CELSR1: variants seen among roughly 807,000 people sequenced by gnomAD.
The protein encoded by CELSR1 is cadherin EGF LAG seven-pass G-type receptor 1, also known as adhesion G protein-coupled receptor C1.
A neutral mutation model predicts 249.1 loss-of-function variants in CELSR1; 110 were observed. The observed-to-expected ratio is 0.44, with a 90% confidence interval of 0.38 to 0.52. The LOEUF (loss-of-function observed/expected upper bound fraction) is 0.52. Ranked by LOEUF, CELSR1 falls within the 20% of genes least tolerant of loss-of-function variation. CELSR1 has a pLI of 0.00. For missense variants in CELSR1, 4,109 were observed against 4,296.4 expected (o/e 0.96, Z 1.22); for synonymous variants, 2,113 against 1,900.0 (o/e 1.11, Z -2.92).
Position 46,410,083 on chromosome 22 carries a change from C to T in CELSR1, c.4934-203G>A, listed in dbSNP as rs555020570. Among the ~76,000 whole-genome samples the T allele has an allele frequency of 1.3e-4, 20 of 152,232 alleles. No homozygotes were observed. The highest frequency in any genetic ancestry group is 7.2e-5 in the African/African-American group (3 of 41,464). On this transcript the variant is annotated intron_variant, in intron 7 of 34. Coordinates refer to ENST00000674500, the MANE Select transcript of CELSR1 (RefSeq NM_001378328.1). This position sits in a 1 kb window ranked among gnomAD's most constrained non-coding sequence, Gnocchi z 6.8. ...CTGACCACATTTGGAGACGCTGGGA[C>T]GCCAGGCCATCACGGCAGCCGGCCC...
At chr22:46,435,047 G>C (rs1020578684) in intron 4 of CELSR1, among the ~76,000 whole-genome samples, 4 of 151,954 alleles carry the variant, frequency 2.6e-5, no homozygotes, top group Admixed American at 2.6e-4. Flanking sequence ...GAAAAACACA[G>C]ATATACCTGT....
Position 46,402,048 on chromosome 22 carries a change from A to G in CELSR1, c.5227-2146T>C, listed in dbSNP as rs1442859048. Among the ~76,000 whole-genome samples the G allele has an allele frequency of 6.6e-6, 1 of 152,044 alleles. No individual in the cohort carries two copies. On this transcript the variant is annotated intron_variant, in intron 9 of 34. Transcript: ENST00000674500. This position sits in a 1 kb window ranked among gnomAD's most constrained non-coding sequence, Gnocchi z 5.0. Reference sequence around the variant, plus strand: ...GGTAGCAGTGAACCGAGATCACGCCACCGCACTCCAGCCTGGGCGATGGAG... The same window carrying G: ...GGTAGCAGTGAACCGAGATCACGCCGCCGCACTCCAGCCTGGGCGATGGAG...
At chr22:46,435,390 T>A (rs145334040) in intron 4 of CELSR1, among the ~76,000 whole-genome samples, 11,659 of 149,646 alleles carry the variant, frequency 0.078, 674 homozygotes, top group African/African-American at 0.17. Context: ...CAAGCAATTC[T>A]CCTGCCTCAG....
intron 23 of CELSR1, 84 bp from the exon 24 acceptor site, chr22:46,377,345 C>T (rs577699916): frequency 3.1e-5 from 44 of 1,405,316 alleles, no homozygotes; most frequent in Non-Finnish European, 3.9e-5. Flanking sequence ...ATAAATTACA[C>T]ACTTGCTTAT....
chr22:46,392,876 A>T (rs1408491972), intron 14 of CELSR1, among the ~76,000 whole-genome samples: 1 of 152,096 alleles, frequency 6.6e-6, no homozygotes, highest in Non-Finnish European at 1.5e-5. Flanking sequence ...TTGGATGAGA[A>T]AAAAATCGTA....
chr22:46,408,943 C>A lies in CELSR1; in HGVS notation c.5226+53G>T. On this transcript the variant is annotated intron_variant, in intron 9 of 34. Transcript: ENST00000674500. The surrounding 1 kb of genome is among the most constrained non-coding windows in gnomAD (Gnocchi z 4.6). ...ACCAGGAAGCCCAGCGCCTGGGTCC[C>A]TCCCTCGGGCACCCACCTAGCAGGT... 1 of 1,478,450 alleles carries A rather than the reference C, an allele frequency of 6.8e-7. No homozygotes were observed. The highest frequency in any genetic ancestry group is 9.0e-7 in the Non-Finnish European group (1 of 1,105,908). The allele number at this position is 1,478,450 out of a possible 1,614,324, so 91.6% of individuals were successfully genotyped here. A position where few individuals can be genotyped will look rare whatever the true frequency, so the allele number is the denominator to read the frequency against.
At chr22:46,485,766 C>T (rs1416926899) in intron 1 of CELSR1, among the ~76,000 whole-genome samples, 3 of 152,108 alleles carry the variant, frequency 2.0e-5, no homozygotes, top group African/African-American at 4.8e-5. Context: ...GGGAAATGGG[C>T]GCACTGGAGC....
intron 9 of CELSR1, among the ~76,000 whole-genome samples, chr22:46,400,995 G>A (rs767460710): frequency 4.6e-5 from 7 of 151,788 alleles, no homozygotes; most frequent in Non-Finnish European, 8.8e-5. Context: ...TGTTGCTGTT[G>A]CCTTTAACAC....
chr22:46,511,889 G>A lies in CELSR1; in HGVS notation c.3544+21738C>T, dbSNP rs560318841. ...CCTCGGTCATTAGACACAATGACCCGCCTCTCTGCTCACTGCTCATCCCAG... is the reference window on the plus strand; with the variant it reads ...CCTCGGTCATTAGACACAATGACCCACCTCTCTGCTCACTGCTCATCCCAG... On this transcript the variant is annotated intron_variant, in intron 1 of 34. Transcript: ENST00000674500. 3.9e-5 allele frequency among the ~76,000 whole-genome samples: 6 copies of A among 152,278 alleles called. No homozygotes were observed. The South Asian group carries it at 8.3e-4, about 21-fold the overall frequency.
At chr22:46,530,971 C>T (rs193200409) in intron 1 of CELSR1, among the ~76,000 whole-genome samples, 194 of 152,360 alleles carry the variant, frequency 1.3e-3, no homozygotes, top group African/African-American at 4.5e-3. Flanking sequence ...GAAGCAACAA[C>T]ACTCCATTGA....
intron 9 of CELSR1, among the ~76,000 whole-genome samples, chr22:46,405,181 C>A (rs994184041): frequency 1.3e-5 from 2 of 151,522 alleles, no homozygotes; most frequent in African/African-American, 4.8e-5. Flanking sequence ...CTTTGCTTGG[C>A]CGTGCACAGT....
chr22:46,370,326 C>G (rs2078838074), intron 25 of CELSR1: 2 of 352,798 alleles, frequency 5.7e-6, no homozygotes, highest in Non-Finnish European at 1.1e-5. Flanking sequence ...TGTACATACC[C>G]TATACACATG....
In CELSR1 at chr22:46,524,541, C is replaced by CGCGT. The variant is rs1194384146; in HGVS notation, c.3544+9085_3544+9086insACGC. Among the ~76,000 whole-genome samples the CGCGT allele has an allele frequency of 2.3e-4, 18 of 77,878 alleles. No individual in the cohort carries two copies. In the South Asian group the frequency reaches 4.8e-3, roughly 21 times the overall value. The allele number at this position is 77,878 out of a possible 152,430, so 51.1% of individuals were successfully genotyped here. ...AAACGGCCCCCACCCCCGTTGTGTG[C>CGCGT]GTGTGTGTGTGTGTGTGTGTGTGTG... On this transcript the variant is annotated intron_variant, in intron 1 of 34. Coordinates refer to ENST00000674500, the MANE Select transcript of CELSR1 (RefSeq NM_001378328.1).
intron 1 of CELSR1, among the ~76,000 whole-genome samples, chr22:46,476,457 G>A (rs2092355): frequency 0.66 from 100,246 of 151,674 alleles, 33,755 homozygotes; most frequent in East Asian, 0.85. Context: ...TTAGCCAGGC[G>A]TGGTGGTGCA....
At chr22:46,509,976 T>G (rs975840816) in intron 1 of CELSR1, among the ~76,000 whole-genome samples, 2 of 152,180 alleles carry the variant, frequency 1.3e-5, no homozygotes, top group African/African-American at 4.8e-5. Flanking sequence ...GGGGACTTCA[T>G]GCCACATCTG....
At chr22:46,489,922 C>T (rs1471345832) in intron 1 of CELSR1, among the ~76,000 whole-genome samples, 1 of 151,594 alleles carries the variant, frequency 6.6e-6, no homozygotes, top group Admixed American at 6.6e-5. Flanking sequence ...CCTTCCTGCA[C>T]TCTGTGGCCT....
In CELSR1 at chr22:46,427,167, G is replaced by A. The variant is rs2147405985; in HGVS notation, c.4611+6226C>T. ...CTAGCTCTGCCCAGTAAGAGAGACT[G>A]GGAGTGAGACACCCCAAAGCAATGA... On this transcript the variant is annotated intron_variant, in intron 5 of 34. Coordinates refer to ENST00000674500, the MANE Select transcript of CELSR1 (RefSeq NM_001378328.1). The surrounding 1 kb of genome is among the most constrained non-coding windows in gnomAD (Gnocchi z 4.2). Among the ~76,000 whole-genome samples, 1 of 152,254 alleles carries A rather than the reference G, an allele frequency of 6.6e-6. No homozygotes were observed. Among genetic ancestry groups the A allele is most frequent in the African/African-American group, 2.4e-5 (1 of 41,544 alleles).
At chr22:46,439,061 A>G (rs2079703553) in intron 3 of CELSR1, 128 bp downstream of exon 3, 2 of 919,590 alleles carry the variant, frequency 2.2e-6, no homozygotes, top group Non-Finnish European at 3.3e-6. Context: ...CCTGGCCTGG[A>G]GCTACTCAAC....
chr22:46,365,477 G>T, intron 31 of CELSR1, 97 bp from the exon 32 acceptor site: 1 of 1,552,968 alleles, frequency 6.4e-7, no homozygotes, highest in Non-Finnish European at 8.7e-7. Flanking sequence ...GCATGCTGAC[G>T]CTGAGCATGG....
Sources: allele counts gnomAD v4.1 joint callset (sites outside exome capture counted in the v4.1 genomes callset), GRCh38; gene constraint gnomAD v4.1.1; non-coding constraint Gnocchi (gnomAD v3.1); transcripts MANE v1.5; gene names NCBI Gene and HGNC (gene_info 2026-07-23, HGNC 2026-07-21).